DSC2: variants seen among roughly 807,000 people sequenced by gnomAD.
DSC2 encodes desmocollin-2.
Under a neutral mutation model 87.6 loss-of-function variants are expected in DSC2, and 51 were observed. The observed-to-expected ratio is 0.58, with a 90% CI of 0.46 to 0.74. The LOEUF (loss-of-function observed/expected upper bound fraction) is 0.74. Ranked by LOEUF, DSC2 falls within the 30% of genes least tolerant of loss-of-function variation. The probability of loss-of-function intolerance (pLI) is 0.00; values close to 1 mark genes in which losing one functional copy is unlikely to be tolerated. For missense variants in DSC2, 1,066 were observed against 1,089.5 expected (o/e 0.98, Z 0.30); for synonymous variants, 383 against 393.2 (o/e 0.97, Z 0.31).
intron 14 of DSC2, 34 bp from the exon 15 acceptor site, chr18:31,069,185 C>G (rs1363482364): frequency 6.2e-7 from 1 of 1,613,392 alleles, no homozygotes; most frequent in Non-Finnish European, 8.5e-7. Flanking sequence ...AGGGATAATA[C>G]AGAGAGGAAC....
rs1438904893 is a variant in DSC2 at position 31,074,785 on chromosome 18, C to T, written c.1786G>A (p.Ala596Thr). The T allele has an allele frequency of 6.2e-7, 1 of 1,614,008 alleles. No homozygotes were observed. The highest frequency in any genetic ancestry group is 8.5e-7 in the Non-Finnish European group (1 of 1,179,976). Residue 596 changes from alanine (A) to threonine (T), a missense_variant, in exon 12 of 16, where the codon GCG becomes ACG. Coordinates refer to ENST00000280904, the MANE Select transcript of DSC2 (RefSeq NM_024422.6). ...TGGATAGGCTCATCAGGATCAACCG[C>T]AACAATCTCCGCAGATGACATGGTG... ...KPTMSSAEIV[A>T]VDPDEPIHGP...
In DSC2 at chr18:31,066,609, C is replaced by T. The variant is rs558203219; in HGVS notation, c.*1406G>A. On this transcript the variant is annotated 3_prime_UTR_variant, in exon 16 of 16. Coordinates refer to ENST00000280904, the MANE Select transcript of DSC2 (RefSeq NM_024422.6). ...ATATTAGAAACACATTTAAAATGTC[C>T]ATATGTTTAGTATAAATAGAAAATT... 6.6e-6 allele frequency: 1 copy of T among 151,958 alleles called. No homozygotes were observed. The highest frequency in any genetic ancestry group is 2.4e-5 in the African/African-American group (1 of 41,464). 9.4% of individuals were successfully genotyped at this position (151,958 alleles called of 1,614,324 possible).
intron 4 of DSC2, 76 bp from the exon 5 acceptor site, chr18:31,089,670 C>G (rs1044394779): frequency 2.0e-5 from 28 of 1,409,720 alleles, no homozygotes; most frequent in Non-Finnish European, 2.6e-5. Context: ...TATGAAATCT[C>G]ATTGCCATTT....
chr18:31,092,662 A>G (rs942686934), intron 2 of DSC2, among the ~76,000 whole-genome samples: 3 of 152,172 alleles, frequency 2.0e-5, no homozygotes, highest in African/African-American at 7.2e-5. Context: ...GCAGATGAAA[A>G]TTGGCATTTG....
chr18:31,099,827 G>A (rs941507627), intron 1 of DSC2, among the ~76,000 whole-genome samples: 1 of 152,068 alleles, frequency 6.6e-6, no homozygotes, highest in Admixed American at 6.5e-5. Context: ...TTGGGTATAT[G>A]GGAAGGAAGG....
rs1374940385 is a variant in DSC2, at chr18:31,061,299, G to A, written c.*6716C>T. 6.6e-6 allele frequency: 1 copy of A among 152,170 alleles called. No homozygotes were observed. Among genetic ancestry groups the A allele is most frequent in the Admixed American group, 6.5e-5 (1 of 15,270 alleles). The allele number at this position is 152,170 out of a possible 1,614,324, so 9.4% of individuals were successfully genotyped here. A position where few individuals can be genotyped will look rare whatever the true frequency, so the allele number is the denominator to read the frequency against. ...CAAAATAAGTAAACAGAAAAGATGT[G>A]GCTAGCAGAAACTCCACAATTCTAA... On this transcript the variant is annotated 3_prime_UTR_variant, in exon 16 of 16. Coordinates refer to ENST00000280904, the MANE Select transcript of DSC2 (RefSeq NM_024422.6).
intron 12 of DSC2, among the ~76,000 whole-genome samples, chr18:31,072,426 G>A (rs1382456834): frequency 1.3e-5 from 2 of 152,152 alleles, no homozygotes; most frequent in African/African-American, 2.4e-5. Flanking sequence ...CCAACTGCAC[G>A]TGTCTTAGTT....
Position 31,092,627 on chromosome 18 carries a change from T to A in DSC2, c.155-327A>T, listed in dbSNP as rs142709756. On this transcript the variant is annotated intron_variant, in intron 2 of 15. Coordinates refer to ENST00000280904, the MANE Select transcript of DSC2 (RefSeq NM_024422.6). Reference sequence around the variant, plus strand: ...AATAAGCTATAGAGTAACACCTAAATACACCTGAAGTTATACAGAATCTAG... The same window carrying A: ...AATAAGCTATAGAGTAACACCTAAAAACACCTGAAGTTATACAGAATCTAG... Among the ~76,000 whole-genome samples the A allele has an allele frequency of 6.6e-5, 10 of 152,280 alleles. No homozygotes were observed. The East Asian group carries it at 1.9e-3, about 29-fold the overall frequency.
intron 1 of DSC2, 57 bp downstream of exon 1, chr18:31,101,846 C>G: frequency 6.7e-7 from 1 of 1,503,146 alleles, no homozygotes; most frequent in South Asian, 1.2e-5. Context: ...CCTAGTTTTC[C>G]TCTGCACCCT....
chr18:31,074,335 G>T (rs1349952044), intron 12 of DSC2, among the ~76,000 whole-genome samples: 1 of 151,870 alleles, frequency 6.6e-6, no homozygotes, highest in Non-Finnish European at 1.5e-5. Context: ...AAACTATAAA[G>T]AAATCTATGC....
At chr18:31,080,456 T>C in intron 9 of DSC2, 104 bp from the exon 10 acceptor site, 1 of 1,375,700 alleles carries the variant, frequency 7.3e-7, no homozygotes, top group Non-Finnish European at 1.0e-6. Flanking sequence ...AAGTGTCATG[T>C]TGGGAATAAC....
At chr18:31,090,980 A>C (rs201426667) in intron 4 of DSC2, 48 bp downstream of exon 4, 9 of 1,612,900 alleles carry the variant, frequency 5.6e-6, no homozygotes. Flanking sequence ...CATAATGGTA[A>C]GAGATGGAAA....
rs757253682 is a variant in DSC2 at position 31,071,692 on chromosome 18, G to A, written c.2038C>T (p.Arg680Cys). Residue 680 changes from arginine (R) to cysteine (C), a missense_variant, in exon 13 of 16, where the codon CGT (arginine) becomes TGT (cysteine). Coordinates refer to ENST00000280904, the MANE Select transcript of DSC2 (RefSeq NM_024422.6). ...CCACCGCCAATCCTTGGATCTACAC[G>A]ATGTGTGCAGTCATTTTCGGTAATG... ...DCITENDCTH[R>C]VDPRIGGGGV... The A allele has an allele frequency of 4.3e-6, 7 of 1,614,074 alleles. No homozygotes were observed. The highest frequency in any genetic ancestry group is 1.7e-5 in the Admixed American group (1 of 60,022).
rs1987618153 is a variant in DSC2 at position 31,092,083 on chromosome 18, T to A, written c.354+18A>T. 1 of 1,598,560 alleles carries A rather than the reference T, an allele frequency of 6.3e-7. No individual in the cohort carries two copies. The highest frequency in any genetic ancestry group is 1.1e-5 in the South Asian group (1 of 89,770). The stretch of plus-strand genomic sequence containing the variant: ...TGAAGAAAAGATATCATTTCTTCAT[T>A]TATGTAGCCTTGTATACCTTTGTTT... On this transcript the variant is annotated intron_variant, in intron 3 of 15. Transcript: ENST00000280904.
chr18:31,097,848 C>A (rs1598595586), intron 1 of DSC2, among the ~76,000 whole-genome samples: 1 of 151,594 alleles, frequency 6.6e-6, no homozygotes, highest in East Asian at 1.9e-4. Context: ...CGTTGTTGAA[C>A]TTTTGGGTGT....
chr18:31,070,197 T>C lies in DSC2; in HGVS notation c.2250+529A>G, dbSNP rs189159814. Reference sequence around the variant, plus strand: ...TTATAGGGTATTTACTTGTTCCTTTTCCACATATTGAGCTAGAAAGCAAAG... The same window carrying C: ...TTATAGGGTATTTACTTGTTCCTTTCCCACATATTGAGCTAGAAAGCAAAG... On this transcript the variant is annotated intron_variant, in intron 14 of 15. Coordinates refer to ENST00000280904, the MANE Select transcript of DSC2 (RefSeq NM_024422.6). Among the ~76,000 whole-genome samples the C allele has an allele frequency of 1.9e-3, 286 of 152,330 alleles. 1 individual carries two copies. The highest frequency in any genetic ancestry group is 2.6e-3 in the Non-Finnish European group (180 of 68,024).
At position 31,069,200 on chromosome 18, in the gene DSC2, A is replaced by G. The variant is rs1893962; in HGVS notation, c.2251-49T>C. 0.058 allele frequency: 94,010 copies of G among 1,611,092 alleles called. 3,160 individuals carry two copies. Among genetic ancestry groups the G allele is most frequent in the Admixed American group, 0.13 (7,870 of 59,842 alleles). ...AGGGATAATACAGAGAGGAACACAA[A>G]ATTATGAAAAAGAACAACATCAAGC... On this transcript the variant is annotated intron_variant, in intron 14 of 15. Transcript: ENST00000280904.
At chr18:31,083,363 T>A (rs1405599326) in intron 7 of DSC2, among the ~76,000 whole-genome samples, 1 of 152,040 alleles carries the variant, frequency 6.6e-6, no homozygotes, top group East Asian at 1.9e-4. Context: ...ACTAGGAATT[T>A]TTAATCAATT....
chr18:31,102,338 A>C lies in DSC2; in HGVS notation c.-367T>G. 5.3e-6 allele frequency: 1 copy of C among 189,496 alleles called. No homozygotes were observed. 11.7% of individuals were successfully genotyped at this position (189,496 alleles called of 1,614,324 possible). ...TTTCTCACCAGCGGACGCCACCTAT[A>C]AGGCCCATCTCCCCCACCACGCCCC... On this transcript the variant is annotated 5_prime_UTR_variant, in exon 1 of 16. Transcript: ENST00000280904.
Sources: gnomAD v4.1 joint callset for allele counts (sites outside exome capture counted in the v4.1 genomes callset) on GRCh38, gnomAD v4.1.1 for gene constraint, MANE v1.5 for transcripts, NCBI Gene and HGNC (gene_info 2026-07-23, HGNC 2026-07-21) for gene names.